The following PLCG2 variants were observed in gnomAD, a reference collection of about 807,000 sequenced individuals.
PLCG2 encodes 1-phosphatidylinositol 4,5-bisphosphate phosphodiesterase gamma-2.
Under a neutral mutation model 175.6 loss-of-function variants are expected in PLCG2, and 69 were observed. The observed-to-expected ratio is 0.39, with a 90% confidence interval of 0.32 to 0.48. The LOEUF is 0.48. Ranked by LOEUF, PLCG2 falls within the 20% of genes least tolerant of loss-of-function variation. The probability of loss-of-function intolerance (pLI) is 0.91; values close to 1 mark genes in which losing one functional copy is unlikely to be tolerated. For synonymous variants in PLCG2, 827 were observed against 624.0 expected (o/e 1.33, Z -4.85); for missense variants, 1,798 against 1,650.9 (o/e 1.09, Z -1.54).
Position 81,840,224 on chromosome 16 carries a change from A to T in PLCG2, c.194-14220A>T, listed in dbSNP as rs55939012. On this transcript the variant is annotated intron_variant, in intron 2 of 32. Transcript: ENST00000564138. ...TGGCTGCCTGGAGAGCATGCTTAGA[A>T]TTGAGCCCTGACAGCTGGCCCCTGA... Among the ~76,000 whole-genome samples, 975 of 152,270 alleles carry T rather than the reference A, an allele frequency of 6.4e-3. 13 individuals carry two copies. The highest frequency in any genetic ancestry group is 0.024 in the Middle Eastern group (7 of 294).
At chr16:81,829,117 T>A (rs1019145142) in intron 2 of PLCG2, among the ~76,000 whole-genome samples, 2 of 152,186 alleles carry the variant, frequency 1.3e-5, no homozygotes, top group African/African-American at 2.4e-5. Flanking sequence ...TATTTTATTT[T>A]ATTTTTTTTG....
chr16:81,936,061 G>A, intron 26 of PLCG2, 108 bp from the exon 27 acceptor site: 1 of 1,494,134 alleles, frequency 6.7e-7, no homozygotes, highest in Non-Finnish European at 8.9e-7. Context: ...CAAAGAGGGA[G>A]ATTCCTGGTT....
At chr16:81,839,116 T>G (rs1011951001) in intron 2 of PLCG2, among the ~76,000 whole-genome samples, 25 of 152,236 alleles carry the variant, frequency 1.6e-4, no homozygotes, top group African/African-American at 5.8e-4. Flanking sequence ...TTGCAGTTCC[T>G]ATTGTATATG....
At chr16:81,922,268 G>T (rs974818657) in intron 21 of PLCG2, among the ~76,000 whole-genome samples, 2 of 152,218 alleles carry the variant, frequency 1.3e-5, no homozygotes, top group African/African-American at 4.8e-5. Context: ...CACATTGATG[G>T]ATCCAGTTCT....
intron 17 of PLCG2, among the ~76,000 whole-genome samples, chr16:81,910,026 A>AG: frequency 6.9e-6 from 1 of 144,146 alleles, no homozygotes; most frequent in South Asian, 2.3e-4. Flanking sequence ...GGGGTGGGGG[A>AG]AGTAGGTAGA....
At position 81,888,474 on chromosome 16, in the gene PLCG2, G is replaced by A. The variant is rs145125190; in HGVS notation, c.766-698G>A. Among the ~76,000 whole-genome samples, 504 of 152,288 alleles carry A rather than the reference G, an allele frequency of 3.3e-3. 8 individuals are homozygous for A. The highest frequency in any genetic ancestry group is 1.4e-3 in the East Asian group (7 of 5,178). ...ACTCCTGAGCTCAGGCAGTCCACCC[G>A]CCTCGGCCTACCAAAGTGGGTCTGA... On this transcript the variant is annotated intron_variant, in intron 9 of 32. Transcript: ENST00000564138.
At chr16:81,943,531 G>T (rs1159719996) in intron 30 of PLCG2, among the ~76,000 whole-genome samples, 1 of 152,162 alleles carries the variant, frequency 6.6e-6, no homozygotes, top group Non-Finnish European at 1.5e-5. Flanking sequence ...TTCAACATGA[G>T]ATTTGGGTGG....
At position 81,960,939 on chromosome 16, in the gene PLCG2, C is replaced by T. The variant is rs1471247980; in HGVS notation, c.*2941C>T. The T allele has an allele frequency of 4.4e-6, 1 of 228,846 alleles. No individual in the cohort carries two copies. The highest frequency in any genetic ancestry group is 8.7e-6 in the Non-Finnish European group (1 of 115,432). The allele number at this position is 228,846 out of a possible 1,614,324, so 14.2% of individuals were successfully genotyped here. A position where few individuals can be genotyped will look rare whatever the true frequency, so the allele number is the denominator to read the frequency against. ...TGCCTGAGAAAATGCCCTTTTCTCA[C>T]CTTACAAAAGAAAATATGGCTGTCT... On this transcript the variant is annotated 3_prime_UTR_variant, in exon 33 of 33. Coordinates refer to ENST00000564138, the MANE Select transcript of PLCG2 (RefSeq NM_002661.5).
intron 2 of PLCG2, among the ~76,000 whole-genome samples, chr16:81,838,410 T>G (rs1905639002): frequency 6.6e-6 from 1 of 152,176 alleles, no homozygotes; most frequent in Non-Finnish European, 1.5e-5. Context: ...ATGTCTTTAT[T>G]AAAATATAAC....
chr16:81,740,138 C>CAAAAAAAAAAAAAAAAAAAA (rs5818349), intron 1 of PLCG2: 2 of 88,718 alleles, frequency 2.3e-5, no homozygotes, highest in African/African-American at 4.7e-5. Context: ...ACTCTGTCTC[C>CAAAAAAAAAAAAAAAAAAAA]AAAAAAAAAA....
intron 2 of PLCG2, among the ~76,000 whole-genome samples, chr16:81,792,606 A>G (rs935715897): frequency 3.9e-5 from 6 of 151,920 alleles, no homozygotes; most frequent in Non-Finnish European, 2.9e-5. Context: ...ATGGCTGGGG[A>G]GGCCTCAGGA....
intron 2 of PLCG2, among the ~76,000 whole-genome samples, chr16:81,816,077 A>AG (rs397968926): frequency 1.4e-5 from 2 of 142,508 alleles, no homozygotes; most frequent in African/African-American, 5.2e-5. Context: ...AAAAAAAAAA[A>AG]TGTGCCTTCA....
chr16:81,947,551 ACT>A (rs1911199138), intron 31 of PLCG2, among the ~76,000 whole-genome samples: 1 of 152,112 alleles, frequency 6.6e-6, no homozygotes, highest in African/African-American at 2.4e-5. Context: ...CCAGGGAGAA[ACT>A]CTGGTAAACA....
At chr16:81,766,387 C>T (rs774293216) in intron 2 of PLCG2, among the ~76,000 whole-genome samples, 1 of 152,124 alleles carries the variant, frequency 6.6e-6, no homozygotes, top group Admixed American at 6.6e-5. Context: ...TTTTGTAACC[C>T]TCAAAAGCAA....
chr16:81,938,600 C>T, intron 28 of PLCG2: 1 of 576,726 alleles, frequency 1.7e-6, no homozygotes, highest in South Asian at 2.2e-5. Flanking sequence ...GAGACCCAGG[C>T]TGATGCTGAG....
chr16:81,761,051 C>G (rs1195240252), intron 2 of PLCG2, among the ~76,000 whole-genome samples: 2 of 152,136 alleles, frequency 1.3e-5, no homozygotes, highest in Non-Finnish European at 2.9e-5. Context: ...TGCGCACCAC[C>G]ACACTTGGCT....
At position 81,802,093 on chromosome 16, in the gene PLCG2, C is replaced by CTTTTTTTTTTTTTT. The variant is rs1157731599; in HGVS notation, c.193+15936_193+15949dup. On this transcript the variant is annotated intron_variant, in intron 2 of 32. Coordinates refer to ENST00000564138, the MANE Select transcript of PLCG2 (RefSeq NM_002661.5). ...GTTAGCTCCTTCAGGTGAGTACAGT[C>CTTTTTTTTTTTTTT]TTTTTTTTTTTTTTTTTTTTTTTTT... is the stretch of plus-strand genomic sequence containing the variant. Among the ~76,000 whole-genome samples the CTTTTTTTTTTTTTT allele has an allele frequency of 1.4e-3, 57 of 40,010 alleles. 22 individuals are homozygous for CTTTTTTTTTTTTTT. Among genetic ancestry groups the CTTTTTTTTTTTTTT allele is most frequent in the East Asian group, 4.0e-3 (3 of 756 alleles). 26.2% of individuals were successfully genotyped at this position (40,010 alleles called of 152,430 possible).
intron 5 of PLCG2, among the ~76,000 whole-genome samples, chr16:81,864,121 G>C (rs61472325): frequency 0.011 from 1,687 of 152,246 alleles, 34 homozygotes; most frequent in African/African-American, 0.04. Context: ...AGCATGCACC[G>C]GAATCCCCTG....
In PLCG2 at chr16:81,934,516, A is replaced by G. The variant is rs761214285; in HGVS notation, c.2827A>G (p.Thr943Ala). ...LVVYCKPTSK[T>A]KDNLENPDFR... is the part of the protein sequence containing the mutation. ...TGTCTACTGCAAACCAACCAGCAAA[A>G]CCAAGGACAACTTAGGTAACATCTT... is the stretch of plus-strand genomic sequence containing the variant. The change falls in exon 26 of 33, where the codon ACC becomes GCC. Residue 943 changes from threonine (T) to alanine (A), a missense_variant. Physicochemically the swap from Thr to Ala is moderately conservative, Grantham distance 58. Transcript: ENST00000564138. 1 of 1,606,294 alleles carries G rather than the reference A, an allele frequency of 6.2e-7. No individual in the cohort carries two copies. The highest frequency in any genetic ancestry group is 1.1e-5 in the South Asian group (1 of 90,852).
Sources: gnomAD v4.1 joint callset for allele counts (sites outside exome capture counted in the v4.1 genomes callset) on GRCh38, gnomAD v4.1.1 for gene constraint, MANE v1.5 for transcripts, NCBI Gene and HGNC (gene_info 2026-07-23, HGNC 2026-07-21) for gene names.